Variants in NBEA observed in about 807,000 individuals in gnomAD.
The protein encoded by NBEA is neurobeachin.
NBEA carries 44 observed loss-of-function variants against 343.4 expected under a neutral mutation model. The ratio of observed to expected loss-of-function variants is 0.13; its 90% confidence interval spans 0.10 to 0.16. The LOEUF (loss-of-function observed/expected upper bound fraction) is 0.16. Ranked by LOEUF, NBEA falls within the 10% of genes least tolerant of loss-of-function variation. The pLI is 1.00. For missense variants in NBEA, 2,555 were observed against 3,631.3 expected (o/e 0.70, Z 7.62); for synonymous variants, 1,175 against 1,238.7 (o/e 0.95, Z 1.08).
intron 1 of NBEA, among the ~76,000 whole-genome samples, chr13:34,954,776 C>T (rs1424480475): frequency 6.6e-6 from 1 of 152,058 alleles, no homozygotes; most frequent in African/African-American, 2.4e-5. Flanking sequence ...AGTGTAAATG[C>T]TAGGTAAATA....
chr13:35,397,986 T>C lies in NBEA; in HGVS notation c.6180-34283T>C, dbSNP rs531214223. 6.1e-4 allele frequency among the ~76,000 whole-genome samples: 93 copies of C among 152,288 alleles called. 1 individual carries two copies. The highest frequency in any genetic ancestry group is 2.1e-3 in the African/African-American group (88 of 41,578). The stretch of plus-strand genomic sequence containing the variant: ...AAGATTACTCAGCAGTATGTGATGC[T>C]GTTTGATAGCATTTTCCCATAGAAC... On this transcript the variant is annotated intron_variant, in intron 38 of 58. Coordinates refer to ENST00000379939, the MANE Select transcript of NBEA (RefSeq NM_001385012.1).
Position 35,432,317 on chromosome 13 carries a change from T to A in NBEA, c.6228T>A (p.Arg2076=). 1 of 1,608,152 alleles carries A rather than the reference T, an allele frequency of 6.2e-7. No individual in the cohort carries two copies. Among genetic ancestry groups the A allele is most frequent in the Non-Finnish European group, 8.5e-7 (1 of 1,176,932 alleles). The stretch of plus-strand genomic sequence containing the variant: ...TGGATTACTGGGAAGATGATCTTCG[T>A]CGAAGGAGACGATTTGTTCGCAATG... ...WRLDYWEDDL[R]RRRRFVRNAF... The change falls in exon 39 of 59, where the codon CGT becomes CGA. Residue 2076 remains arginine (R), a synonymous_variant. Transcript: ENST00000379939.
intron 36 of NBEA, among the ~76,000 whole-genome samples, chr13:35,319,870 T>C (rs1353377846): frequency 2.0e-5 from 3 of 152,240 alleles, no homozygotes; most frequent in Non-Finnish European, 4.4e-5. Context: ...TGTTTTGATC[T>C]TTGTTGGCTT....
intron 38 of NBEA, among the ~76,000 whole-genome samples, chr13:35,404,196 G>A (rs1333725898): frequency 6.6e-5 from 10 of 152,078 alleles, no homozygotes; most frequent in African/African-American, 9.7e-5. Flanking sequence ...TCAGCGTGGC[G>A]ATTCCTCAGG....
At chr13:35,483,242 T>C (rs2076185179) in intron 41 of NBEA, among the ~76,000 whole-genome samples, 1 of 151,964 alleles carries the variant, frequency 6.6e-6, no homozygotes, top group East Asian at 1.9e-4. Flanking sequence ...ATGAATCTGA[T>C]TTACAGCTTA....
chr13:35,501,122 C>A (rs1463588238), intron 41 of NBEA, among the ~76,000 whole-genome samples: 2 of 152,040 alleles, frequency 1.3e-5, no homozygotes, highest in Non-Finnish European at 2.9e-5. Context: ...TCCTTTCTTA[C>A]CTCCTCAACC....
chr13:35,449,884 T>C (rs926751789), intron 39 of NBEA, among the ~76,000 whole-genome samples: 1 of 152,112 alleles, frequency 6.6e-6, no homozygotes, highest in Non-Finnish European at 1.5e-5. Flanking sequence ...TAACAATCTA[T>C]TTATACATTT....
chr13:35,528,281 C>CT (rs1295668028), intron 41 of NBEA, among the ~76,000 whole-genome samples: 3 of 152,112 alleles, frequency 2.0e-5, no homozygotes, highest in Non-Finnish European at 4.4e-5. Flanking sequence ...CTCTGTTTGT[C>CT]TTTTTTTGTT....
chr13:34,997,429 CTTATTA>C (rs201245975), intron 1 of NBEA, among the ~76,000 whole-genome samples: 2,930 of 152,154 alleles, frequency 0.019, 48 homozygotes, highest in South Asian at 0.035. Flanking sequence ...CTCATTCTTC[CTTATTA>C]TTATTTCCCA....
chr13:35,034,158 T>C (rs2062350114), intron 1 of NBEA, among the ~76,000 whole-genome samples: 1 of 151,944 alleles, frequency 6.6e-6, no homozygotes, highest in African/African-American at 2.4e-5. Flanking sequence ...CTGTAGTATA[T>C]GCTTTTTGTT....
At chr13:35,508,873 T>A (rs962035176) in intron 41 of NBEA, among the ~76,000 whole-genome samples, 9 of 152,000 alleles carry the variant, frequency 5.9e-5, no homozygotes, top group African/African-American at 1.7e-4. Context: ...ACTGGATGAG[T>A]TGAATGGCGG....
At chr13:35,400,842 T>C (rs2042969481) in intron 38 of NBEA, among the ~76,000 whole-genome samples, 1 of 151,960 alleles carries the variant, frequency 6.6e-6, no homozygotes. Flanking sequence ...AGAAAATCAC[T>C]GATAAACCTT....
intron 35 of NBEA, among the ~76,000 whole-genome samples, chr13:35,295,681 A>G (rs1442502343): frequency 6.6e-6 from 1 of 152,192 alleles, no homozygotes; most frequent in Non-Finnish European, 1.5e-5. Flanking sequence ...GAAAAAGAGT[A>G]TCAGTAGAAA....
chr13:35,056,933 T>C (rs2063289363), intron 7 of NBEA, among the ~76,000 whole-genome samples: 1 of 152,118 alleles, frequency 6.6e-6, no homozygotes, highest in South Asian at 2.1e-4. Flanking sequence ...AATCGCTTAT[T>C]ATAATAAAAC....
chr13:35,344,495 T>C (rs9600550), intron 36 of NBEA, among the ~76,000 whole-genome samples: 3,305 of 151,968 alleles, frequency 0.022, 124 homozygotes, highest in African/African-American at 0.076. Flanking sequence ...CATTAACTAA[T>C]AATAAATGAG....
chr13:35,159,468 A>G lies in NBEA; in HGVS notation c.3297A>G (p.Val1099=), dbSNP rs1007075534. The G allele has an allele frequency of 6.2e-7, 1 of 1,613,364 alleles. No individual in the cohort carries two copies. The highest frequency in any genetic ancestry group is 8.5e-7 in the Non-Finnish European group (1 of 1,179,682). The change falls in exon 22 of 59, where the codon GTA becomes GTG. Residue 1099 remains valine (V), a synonymous_variant. Transcript: ENST00000379939. ...AGGTTGAATCTCTGTTGGATAATGT[A>G]TATAGTGCTGCTGTTGAGAAACTCC... ...LVEVESLLDN[V]YSAAVEKLQN...
chr13:35,645,423 TAA>T (rs2084178719), intron 49 of NBEA, among the ~76,000 whole-genome samples: 1 of 152,180 alleles, frequency 6.6e-6, no homozygotes. Context: ...AGGAAATACT[TAA>T]GTTTCTTTTA....
Position 35,070,859 on chromosome 13 carries a change from T to G in NBEA, c.1571+7T>G, listed in dbSNP as rs2063838810. ...AAGTGGAAACAACTGTCTGGTAAGT[T>G]TTCTTTGCATGTACAATTGCTGGTA... On this transcript the variant is annotated splice_region_variant and intron_variant, in intron 10 of 58. Transcript: ENST00000379939. 6 of 1,609,458 alleles carry G rather than the reference T, an allele frequency of 3.7e-6. No individual in the cohort carries two copies. In the Admixed American group the frequency reaches 5.0e-5, roughly 13 times the overall value.
At chr13:35,400,408 G>A (rs1326149502) in intron 38 of NBEA, among the ~76,000 whole-genome samples, 2 of 151,802 alleles carry the variant, frequency 1.3e-5, no homozygotes, top group African/African-American at 4.8e-5. Flanking sequence ...TGTAGTGCCT[G>A]GCTCACATTT....
Sources: gnomAD v4.1 joint callset for allele counts (sites outside exome capture counted in the v4.1 genomes callset) on GRCh38, gnomAD v4.1.1 for gene constraint, MANE v1.5 for transcripts, NCBI Gene and HGNC (gene_info 2026-07-23, HGNC 2026-07-21) for gene names.